CACNG3: variants seen among roughly 807,000 people sequenced by gnomAD.
CACNG3 encodes voltage-dependent calcium channel gamma-3 subunit.
Under a neutral mutation model 28.5 loss-of-function variants are expected in CACNG3, and 3 were observed. The ratio of observed to expected loss-of-function variants is 0.11; its 90% confidence interval spans 0.05 to 0.27. The LOEUF is 0.27. CACNG3 is among the 10% of genes least tolerant of loss of function. The probability of loss-of-function intolerance (pLI) is 1.00; values close to 1 mark genes in which losing one functional copy is unlikely to be tolerated. For missense variants in CACNG3, 236 were observed against 414.4 expected (o/e 0.57, Z 3.74); for synonymous variants, 174 against 162.2 (o/e 1.07, Z -0.55).
chr16:24,256,701 C>T lies in CACNG3; in HGVS notation c.-54C>T. 1 of 1,205,616 alleles carries T rather than the reference C, an allele frequency of 8.3e-7. No homozygotes were observed. Among genetic ancestry groups the T allele is most frequent in the Admixed American group, 1.7e-5 (1 of 59,470 alleles). 74.7% of individuals were successfully genotyped at this position (1,205,616 alleles called of 1,614,324 possible). ...CCGGCTGCAGAGTGATTTTCCCCTC[C>T]GGCACTGACTCTCCCCCTCCAACCC... On this transcript the variant is annotated 5_prime_UTR_variant, in exon 1 of 4. Transcript: ENST00000005284. The surrounding 1 kb of genome is among the most constrained non-coding windows in gnomAD (Gnocchi z 4.6).
intron 1 of CACNG3, among the ~76,000 whole-genome samples, chr16:24,299,276 A>T (rs1385787433): frequency 6.6e-6 from 1 of 152,242 alleles, no homozygotes; most frequent in African/African-American, 2.4e-5. Flanking sequence ...TTGGGTTATA[A>T]TCTAATACTG....
chr16:24,259,641 A>G (rs530958546), intron 1 of CACNG3, among the ~76,000 whole-genome samples: 1 of 152,276 alleles, frequency 6.6e-6, no homozygotes, highest in South Asian at 2.1e-4. Flanking sequence ...GGAGAACATG[A>G]CAGCTGTCTG....
At chr16:24,267,726 A>G (rs1898632899) in intron 1 of CACNG3, among the ~76,000 whole-genome samples, 1 of 152,068 alleles carries the variant, frequency 6.6e-6, no homozygotes, top group South Asian at 2.1e-4. Flanking sequence ...CTGGAGTGCA[A>G]TGATGTGATC....
intron 1 of CACNG3, among the ~76,000 whole-genome samples, chr16:24,336,035 G>C (rs1899700056): frequency 6.6e-6 from 1 of 151,846 alleles, no homozygotes; most frequent in African/African-American, 2.4e-5. Flanking sequence ...AGGGGAAACT[G>C]AGTCATAAAA....
chr16:24,292,370 T>C (rs1049881721), intron 1 of CACNG3, among the ~76,000 whole-genome samples: 5 of 152,184 alleles, frequency 3.3e-5, no homozygotes, highest in African/African-American at 1.2e-4. Context: ...CTTCCTTCCC[T>C]TTGTTAAGTG....
rs1448343228 is a variant in CACNG3 at position 24,362,113 on chromosome 16, T to C, written c.*250T>C. 1.0e-5 allele frequency: 4 copies of C among 393,232 alleles called. No homozygotes were observed. Among genetic ancestry groups the C allele is most frequent in the East Asian group, 7.5e-5 (2 of 26,608 alleles). The allele number at this position is 393,232 out of a possible 1,614,324, so 24.4% of individuals were successfully genotyped here. On this transcript the variant is annotated 3_prime_UTR_variant, in exon 4 of 4. Transcript: ENST00000005284. ...GTGTATCTGTGCCAGATGTTTTCCT[T>C]TCTTCCTTCTTTACTGGAAGGACCT...
intron 1 of CACNG3, among the ~76,000 whole-genome samples, chr16:24,311,724 C>T (rs552533241): frequency 4.6e-5 from 7 of 150,768 alleles, no homozygotes; most frequent in South Asian, 2.1e-4. Context: ...GGCATGGTGG[C>T]GGATGCCTGT....
At chr16:24,328,677 T>A (rs1044457247) in intron 1 of CACNG3, among the ~76,000 whole-genome samples, 1 of 151,964 alleles carries the variant, frequency 6.6e-6, no homozygotes, top group Non-Finnish European at 1.5e-5. Context: ...GATGTTCAAG[T>A]GAGGTGAGGA....
intron 1 of CACNG3, among the ~76,000 whole-genome samples, chr16:24,289,046 G>A (rs1005724721): frequency 2.6e-5 from 4 of 152,182 alleles, no homozygotes; most frequent in African/African-American, 7.2e-5. Context: ...CAGGGATGCA[G>A]CTCAAATGTC....
chr16:24,290,363 T>C (rs1213399620), intron 1 of CACNG3, among the ~76,000 whole-genome samples: 1 of 152,046 alleles, frequency 6.6e-6, no homozygotes. Flanking sequence ...CTGATAAGGG[T>C]AGTTCATAAG....
chr16:24,358,390 C>A (rs570972401), intron 3 of CACNG3, among the ~76,000 whole-genome samples: 1 of 152,210 alleles, frequency 6.6e-6, no homozygotes, highest in African/African-American at 2.4e-5. Flanking sequence ...AACGGCCCCA[C>A]CTTTTGAAGC....
intron 1 of CACNG3, among the ~76,000 whole-genome samples, chr16:24,304,421 G>A (rs1376309426): frequency 6.6e-6 from 1 of 152,052 alleles, no homozygotes; most frequent in Non-Finnish European, 1.5e-5. Flanking sequence ...ACAACTCAAT[G>A]AAATTTCATA....
At chr16:24,311,621 C>G (rs1288525127) in intron 1 of CACNG3, among the ~76,000 whole-genome samples, 2 of 152,028 alleles carry the variant, frequency 1.3e-5, no homozygotes, top group Non-Finnish European at 2.9e-5. Flanking sequence ...TTTGGGAGGC[C>G]CAGGCAGGCA....
intron 1 of CACNG3, among the ~76,000 whole-genome samples, chr16:24,286,437 T>C (rs1029769099): frequency 2.0e-5 from 3 of 151,472 alleles, no homozygotes; most frequent in South Asian, 2.1e-4. Context: ...CACACACATA[T>C]ATATATATCA....
At chr16:24,318,051 C>T (rs1243913121) in intron 1 of CACNG3, among the ~76,000 whole-genome samples, 3 of 152,224 alleles carry the variant, frequency 2.0e-5, no homozygotes, top group African/African-American at 7.2e-5. Context: ...ACAGGCTATC[C>T]TGCCTCCTTG....
chr16:24,361,240 A>G lies in CACNG3; in HGVS notation c.437-112A>G. On this transcript the variant is annotated intron_variant, in intron 3 of 3. Transcript: ENST00000005284. This position sits in a 1 kb window ranked among gnomAD's most constrained non-coding sequence, Gnocchi z 6.8. ...TGGTTGGATTTCCCAGCTATAATCC[A>G]TTCTCCTCTCTCCCCATTACCTCCA... The G allele has an allele frequency of 2.3e-6, 2 of 860,092 alleles. No individual in the cohort carries two copies. Among genetic ancestry groups the G allele is most frequent in the South Asian group, 3.4e-5 (2 of 58,002 alleles). 53.3% of individuals were successfully genotyped at this position (860,092 alleles called of 1,614,324 possible).
chr16:24,332,791 T>TACTCC (rs1899648474), intron 1 of CACNG3, among the ~76,000 whole-genome samples: 1 of 152,242 alleles, frequency 6.6e-6, no homozygotes, highest in South Asian at 2.1e-4. Flanking sequence ...ACCCCCTCCC[T>TACTCC]ACTCCACTCC....
intron 1 of CACNG3, among the ~76,000 whole-genome samples, chr16:24,292,227 C>T (rs1296345594): frequency 6.6e-6 from 1 of 152,144 alleles, no homozygotes; most frequent in East Asian, 1.9e-4. Context: ...ATTTTTCAAT[C>T]GTTCCTCAAG....
chr16:24,317,660 G>GAAAGAAAGGA (rs1899393461), intron 1 of CACNG3, among the ~76,000 whole-genome samples: 5 of 78,346 alleles, frequency 6.4e-5, no homozygotes, highest in African/African-American at 3.1e-4. Flanking sequence ...AAGAAAGAAA[G>GAAAGAAAGGA]AAAGAAAGAA....
Sources: gnomAD v4.1 joint callset for allele counts (sites outside exome capture counted in the v4.1 genomes callset) on GRCh38, gnomAD v4.1.1 for gene constraint, Gnocchi (gnomAD v3.1) non-coding constraint, MANE v1.5 for transcripts, NCBI Gene and HGNC (gene_info 2026-07-23, HGNC 2026-07-21) for gene names.